Variants in SUN2 observed in about 807,000 individuals in gnomAD.
The protein encoded by SUN2 is Sad1 and UNC84 domain containing 2.
Under a neutral mutation model 100.0 loss-of-function variants are expected in SUN2, and 60 were observed. The ratio of observed to expected loss-of-function variants is 0.60; its 90% CI spans 0.49 to 0.74. The LOEUF (loss-of-function observed/expected upper bound fraction) is 0.74. Ranked by LOEUF, SUN2 falls within the 30% of genes least tolerant of loss-of-function variation. SUN2 has a pLI of 0.00. For synonymous variants in SUN2, 367 were observed against 403.3 expected (o/e 0.91, Z 1.08); for missense variants, 834 against 954.6 (o/e 0.87, Z 1.66).
At position 38,739,223 on chromosome 22, in the gene SUN2, G is replaced by T; in HGVS notation, c.1663+119C>A. 8.4e-7 allele frequency: 1 copy of T among 1,196,992 alleles called. No individual in the cohort carries two copies. Among genetic ancestry groups the T allele is most frequent in the Non-Finnish European group, 1.2e-6 (1 of 811,254 alleles). 74.1% of individuals were successfully genotyped at this position (1,196,992 alleles called of 1,614,324 possible). ...GCCTTTGTCATGGGTACTAGGTTGG[G>T]TGATTTCTGCTGATCCTGAGCTTTG... On this transcript the variant is annotated intron_variant, in intron 14 of 17. Transcript: ENST00000689035. This position sits in a 1 kb window ranked among gnomAD's most constrained non-coding sequence, Gnocchi z 6.7.
Position 38,742,341 on chromosome 22 carries a change from A to C in SUN2, c.1028T>G (p.Leu343Arg). ...EGLVSRREAA[L>R]KEDFRRETAA... Reference sequence around the variant, plus strand: ...AGTTTCCCTGCGGAAATCCTCCTTCAGGGCAGCTTCACGGCGGCTCACTAG... The same window carrying C: ...AGTTTCCCTGCGGAAATCCTCCTTCCGGGCAGCTTCACGGCGGCTCACTAG... The change falls in exon 9 of 18, where the codon CTG becomes CGG. Residue 343 changes from leucine (L) to arginine (R), a missense_variant. Coordinates refer to ENST00000689035, the MANE Select transcript of SUN2 (RefSeq NM_015374.3). 6.2e-7 allele frequency: 1 copy of C among 1,609,218 alleles called. No homozygotes were observed.
At chr22:38,745,948 A>G in intron 7 of SUN2, 137 bp from the exon 8 acceptor site, 1 of 1,325,732 alleles carries the variant, frequency 7.5e-7, no homozygotes, top group East Asian at 2.5e-5. Context: ...GAGGCATCAG[A>G]GGGATGCAGG....
chr22:38,741,428 C>T (rs980299800), intron 10 of SUN2, 66 bp downstream of exon 10: 70 of 1,516,608 alleles, frequency 4.6e-5, no homozygotes, highest in Admixed American at 3.7e-4. Context: ...CCGAGGGGTC[C>T]GAGGTGAACA....
At position 38,739,063 on chromosome 22, in the gene SUN2, C is replaced by T. The variant is rs1324134299; in HGVS notation, c.1664-75G>A. 1.3e-5 allele frequency: 18 copies of T among 1,425,728 alleles called. No homozygotes were observed. Among genetic ancestry groups the T allele is most frequent in the Non-Finnish European group, 1.6e-5 (17 of 1,033,000 alleles). The allele number at this position is 1,425,728 out of a possible 1,614,324, so 88.3% of individuals were successfully genotyped here. A position where few individuals can be genotyped will look rare whatever the true frequency, so the allele number is the denominator to read the frequency against. ...CCGCTCAGGCCATTGGCTGTCTCCT[C>T]GCTGAAGGTGGACGGCAGATGCCCC... On this transcript the variant is annotated intron_variant, in intron 14 of 17. Transcript: ENST00000689035. The surrounding 1 kb of genome is among the most constrained non-coding windows in gnomAD (Gnocchi z 6.7).
At position 38,739,022 on chromosome 22, in the gene SUN2, G is replaced by T. The variant is rs761966008; in HGVS notation, c.1664-34C>A. 6.3e-7 allele frequency: 1 copy of T among 1,576,658 alleles called. No individual in the cohort carries two copies. The highest frequency in any genetic ancestry group is 8.6e-7 in the Non-Finnish European group (1 of 1,159,804). On this transcript the variant is annotated intron_variant, in intron 14 of 17. Transcript: ENST00000689035. This position sits in a 1 kb window ranked among gnomAD's most constrained non-coding sequence, Gnocchi z 6.7. ...GGAGAGGAAGGCAGGGTGGGCTCCC[G>T]CACGGGAGGAGGGCCCCGCTCAGGC... is the stretch of plus-strand genomic sequence containing the variant.
intron 17 of SUN2, 126 bp from the exon 18 acceptor site, chr22:38,736,506 G>T: frequency 7.1e-6 from 5 of 703,542 alleles, no homozygotes; most frequent in Non-Finnish European, 9.0e-6. Context: ...CTGGGGCTCT[G>T]AAGAGAACCA....
chr22:38,749,704 C>G (rs1448048003), intron 6 of SUN2, 62 bp downstream of exon 6: 1 of 1,482,650 alleles, frequency 6.7e-7, no homozygotes, highest in East Asian at 2.3e-5. Flanking sequence ...GGTTGACACA[C>G]TTTACCCGTC....
chr22:38,752,403 G>T, intron 2 of SUN2, 104 bp downstream of exon 2: 1 of 1,436,230 alleles, frequency 7.0e-7, no homozygotes. Context: ...TCCACCCAAG[G>T]TTGCAACAAG....
Position 38,741,030 on chromosome 22 carries a change from C to T in SUN2, c.1167G>A (p.Gln389=). 6.3e-7 allele frequency: 1 copy of T among 1,598,448 alleles called. No homozygotes were observed. The highest frequency in any genetic ancestry group is 2.3e-5 in the East Asian group (1 of 44,382). The change falls in exon 11 of 18, where the codon CAG becomes CAA. Residue 389 remains glutamine, a synonymous_variant. Transcript: ENST00000689035. ...RASQESEARI[Q]QLKSEWQSMT... ...ACCTTTGCCACTCTGACTTCAGCTG[C>T]TGGATGCGAGCCTCGGACTCCTGTG...
intron 17 of SUN2, 79 bp from the exon 18 acceptor site, chr22:38,736,459 G>A: frequency 8.1e-7 from 1 of 1,233,776 alleles, no homozygotes; most frequent in Non-Finnish European, 1.1e-6. Flanking sequence ...AGGGGAGACA[G>A]CCTCGCCTAG....
At chr22:38,747,751 T>TG (rs1461115432) in intron 7 of SUN2, among the ~76,000 whole-genome samples, 1 of 151,368 alleles carries the variant, frequency 6.6e-6, no homozygotes, top group Non-Finnish European at 1.5e-5. Flanking sequence ...GAGACCAGCC[T>TG]GGCCAACATG....
intron 2 of SUN2, 28 bp downstream of exon 2, chr22:38,752,479 G>A (rs551602469): frequency 6.3e-7 from 1 of 1,588,604 alleles, no homozygotes; most frequent in East Asian, 2.3e-5. Flanking sequence ...GGGCTGTCAG[G>A]GGCCGTGGCA....
chr22:38,736,362 A>G lies in SUN2; in HGVS notation c.2059T>C (p.Tyr687His). 1 of 1,613,818 alleles carries G rather than the reference A, an allele frequency of 6.2e-7. No individual in the cohort carries two copies. The highest frequency in any genetic ancestry group is 8.5e-7 in the Non-Finnish European group (1 of 1,179,778). ...AGGATCCGCAGCTCCACCACCTGGTACGTGGCCATCGTAGGGGCCTGGGTA... is the reference window on the plus strand; with the variant it reads ...AGGATCCGCAGCTCCACCACCTGGTGCGTGGCCATCGTAGGGGCCTGGGTA... ...FHFQAPTMAT[Y>H]QVVELRILTN... The change falls in exon 18 of 18, where the codon TAC becomes CAC. Residue 687 changes from tyrosine (Y) to histidine (H), a missense_variant. Tyr to His is a moderately conservative substitution (Grantham distance 83). Around this residue, in one of 3 missense-constraint regions of SUN2, gnomAD observed 80 missense variants for 76.7 expected, o/e 1.04. Transcript: ENST00000689035.
intron 6 of SUN2, chr22:38,749,083 T>C (rs2092924770): frequency 5.7e-6 from 2 of 349,500 alleles, no homozygotes; most frequent in African/African-American, 4.1e-5. Context: ...AGTATGCAAA[T>C]ATAGAAAAAA....
chr22:38,751,204 A>C lies in SUN2; in HGVS notation c.286+6T>G. The stretch of plus-strand genomic sequence containing the variant: ...AAAGCCCCGGGACGGAGGGCTCCAC[A>C]CTCACCCCAGTTGGCGTCACCATGC... On this transcript the variant is annotated splice_donor_region_variant and intron_variant, in intron 3 of 17. Coordinates refer to ENST00000689035, the MANE Select transcript of SUN2 (RefSeq NM_015374.3). 1.2e-6 allele frequency: 2 copies of C among 1,610,482 alleles called. No homozygotes were observed. The highest frequency in any genetic ancestry group is 4.5e-5 in the East Asian group (2 of 44,744).
At position 38,748,757 on chromosome 22, in the gene SUN2, A is replaced by C; in HGVS notation, c.641T>G (p.Leu214Arg). The C allele has an allele frequency of 6.2e-7, 1 of 1,614,224 alleles. No homozygotes were observed. Among genetic ancestry groups the C allele is most frequent in the Non-Finnish European group, 8.5e-7 (1 of 1,180,036 alleles). ...TRRFSSLKTFLWFLLPLLLLT... is the reference protein window; with the variant it reads ...TRRFSSLKTFRWFLLPLLLLT... ...CAAGAGCAGCGGCAGCAGGAACCAGAGGAACGTCTTCAGGGACGAGAAGCG... is the reference window on the plus strand; with the variant it reads ...CAAGAGCAGCGGCAGCAGGAACCAGCGGAACGTCTTCAGGGACGAGAAGCG... Residue 214 changes from leucine to arginine, a missense_variant, in exon 7 of 18, where the codon CTC (leucine) becomes CGC (arginine). Physicochemically the swap from Leu to Arg is moderately radical, Grantham distance 102 (BLOSUM62 -2). Coordinates refer to ENST00000689035, the MANE Select transcript of SUN2 (RefSeq NM_015374.3).
In SUN2 at chr22:38,755,043, AACGCTCATCGG is replaced by A; in HGVS notation, c.-38+709_-38+719del. On this transcript the variant is annotated intron_variant, in intron 1 of 17. Transcript: ENST00000689035. The surrounding 1 kb of genome is among the most constrained non-coding windows in gnomAD (Gnocchi z 5.7). Reference sequence around the variant, plus strand: ...CCTCCTCCCTAACAATCAGTTAGGAAACGCTCATCGGAAAGCATCCTTCCCCACTTCTCAGC... The same window carrying A: ...CCTCCTCCCTAACAATCAGTTAGGAAAAAGCATCCTTCCCCACTTCTCAGC... The A allele has an allele frequency of 4.4e-6, 5 of 1,146,630 alleles. No homozygotes were observed. The highest frequency in any genetic ancestry group is 5.6e-6 in the Non-Finnish European group (5 of 890,912). The allele number at this position is 1,146,630 out of a possible 1,614,324, so 71.0% of individuals were successfully genotyped here. A position where few individuals can be genotyped will look rare whatever the true frequency, so the allele number is the denominator to read the frequency against.
In SUN2 at chr22:38,743,324, C is replaced by T. The variant is rs538170750; in HGVS notation, c.814-769G>A. On this transcript the variant is annotated intron_variant, in intron 8 of 17. Coordinates refer to ENST00000689035, the MANE Select transcript of SUN2 (RefSeq NM_015374.3). ...CAAACAGGCGGGACGTGGTGGCTCA[C>T]GCCTGTAATCCCAACACTTTGGGAG... Among the ~76,000 whole-genome samples, 5 of 152,332 alleles carry T rather than the reference C, an allele frequency of 3.3e-5. No individual in the cohort carries two copies. The South Asian group carries it at 6.2e-4, about 19-fold the overall frequency.
chr22:38,745,951 G>A, intron 7 of SUN2, 140 bp from the exon 8 acceptor site: 1 of 1,305,272 alleles, frequency 7.7e-7, no homozygotes, highest in South Asian at 1.5e-5. Flanking sequence ...GCATCAGAGG[G>A]ATGCAGGTGC....
Sources: gnomAD v4.1 joint callset for allele counts (sites outside exome capture counted in the v4.1 genomes callset) on GRCh38, gnomAD v4.1.1 for gene constraint, gnomAD v4.1.1 regional missense constraint, Gnocchi (gnomAD v3.1) non-coding constraint, MANE v1.5 for transcripts, NCBI Gene and HGNC (gene_info 2026-07-23, HGNC 2026-07-21) for gene names.